The following WDPCP variants were observed in gnomAD, a reference collection of about 807,000 sequenced individuals.
WDPCP encodes the protein WD repeat containing planar cell polarity effector, also known as WD repeat-containing and planar cell polarity effector protein fritz homolog.
WDPCP carries 71 observed loss-of-function variants against 93.1 expected under a neutral mutation model. The ratio of observed to expected loss-of-function variants is 0.76; its 90% CI spans 0.63 to 0.93. The LOEUF (loss-of-function observed/expected upper bound fraction) is 0.93, where lower values mean the gene tolerates loss of function less well. Among genes scored for constraint, WDPCP ranks in the 40% least tolerant of loss-of-function variants. WDPCP has a pLI of 0.00. For synonymous variants in WDPCP, 315 were observed against 315.0 expected (o/e 1.00, Z 0.00); for missense variants, 844 against 887.4 (o/e 0.95, Z 0.62).
intron 1 of WDPCP, among the ~76,000 whole-genome samples, chr2:63,823,346 A>G (rs1671053541): frequency 1.3e-5 from 2 of 152,060 alleles, no homozygotes; most frequent in Admixed American, 1.3e-4. Flanking sequence ...TCTCTACTAA[A>G]AATACAAAAA....
rs533480614 is a variant in WDPCP, at chr2:63,200,357, G to T, written c.1916-25525C>A. Among the ~76,000 whole-genome samples, 35 of 152,236 alleles carry T rather than the reference G, an allele frequency of 2.3e-4. No homozygotes were observed. The South Asian group carries it at 7.1e-3, about 31-fold the overall frequency. ...CTGCTGGGTATCTACTCAAAAGAAG[G>T]TATATTAGCCTATCAAAGAGATATC... On this transcript the variant is annotated intron_variant, in intron 14 of 17. Transcript: ENST00000272321.
chr2:63,198,362 C>A (rs990710687), intron 14 of WDPCP, among the ~76,000 whole-genome samples: 3 of 152,080 alleles, frequency 2.0e-5, no homozygotes, highest in Admixed American at 2.0e-4. Flanking sequence ...TTTTACTATT[C>A]TTTTGCAGGA....
intron 3 of WDPCP, among the ~76,000 whole-genome samples, chr2:63,634,925 G>C (rs1397197670): frequency 6.6e-6 from 1 of 151,990 alleles, no homozygotes; most frequent in African/African-American, 2.4e-5. Context: ...CAATAGAAAA[G>C]ATCAATGGTA....
At chr2:63,379,629 A>C (rs1273627370) in intron 11 of WDPCP, among the ~76,000 whole-genome samples, 2 of 152,196 alleles carry the variant, frequency 1.3e-5, no homozygotes, top group Non-Finnish European at 2.9e-5. Context: ...CCTACATGGA[A>C]TACTCATAAC....
chr2:63,433,717 A>G, intron 9 of WDPCP, 28 bp downstream of exon 9: 1 of 1,563,212 alleles, frequency 6.4e-7, no homozygotes, highest in Non-Finnish European at 8.8e-7. Context: ...ACACTTTATT[A>G]AAATGTACAT....
intron 14 of WDPCP, among the ~76,000 whole-genome samples, chr2:63,246,712 G>A (rs1017256555): frequency 2.0e-5 from 3 of 152,148 alleles, no homozygotes; most frequent in Admixed American, 2.0e-4. Flanking sequence ...ACAAGGTGGT[G>A]ACTTTGAAGG....
chr2:63,607,482 G>A (rs1321637149), intron 3 of WDPCP, among the ~76,000 whole-genome samples: 1 of 151,858 alleles, frequency 6.6e-6, no homozygotes, highest in African/African-American at 2.4e-5. Context: ...GTTGCAGTGA[G>A]CCAAGATTGC....
At chr2:63,587,697 T>C (rs1708958989) in intron 1 of WDPCP, among the ~76,000 whole-genome samples, 1 of 152,250 alleles carries the variant, frequency 6.6e-6, no homozygotes, top group Non-Finnish European at 1.5e-5. Context: ...AGCATTAATT[T>C]TAAAGAGAAC....
intron 3 of WDPCP, chr2:63,599,396 G>C (rs1426314573): frequency 8.7e-7 from 1 of 1,155,094 alleles, no homozygotes; most frequent in Non-Finnish European, 1.2e-6. Flanking sequence ...TCTTGTTTTT[G>C]TTTAGTAGGA....
At chr2:63,269,799 A>G (rs543929944) in intron 13 of WDPCP, among the ~76,000 whole-genome samples, 1 of 152,264 alleles carries the variant, frequency 6.6e-6, no homozygotes, top group East Asian at 1.9e-4. Context: ...TCCATTGATA[A>G]TTGAAAAATT....
At chr2:63,531,593 A>G (rs1703854909) in intron 1 of WDPCP, among the ~76,000 whole-genome samples, 1 of 152,238 alleles carries the variant, frequency 6.6e-6, no homozygotes, top group Non-Finnish European at 1.5e-5. Flanking sequence ...GTGGACCTCC[A>G]GCAAACTCCA....
intron 9 of WDPCP, among the ~76,000 whole-genome samples, chr2:63,425,473 G>A (rs1235363947): frequency 1.3e-5 from 2 of 152,156 alleles, no homozygotes; most frequent in Non-Finnish European, 1.5e-5. Flanking sequence ...ATAGAACCCA[G>A]TGAATCCAGT....
intron 13 of WDPCP, among the ~76,000 whole-genome samples, chr2:63,292,126 C>G (rs1684482809): frequency 8.8e-6 from 1 of 113,394 alleles, no homozygotes; most frequent in African/African-American, 3.9e-5. Flanking sequence ...GAGCAAGACT[C>G]CGGCTCAAAA....
intron 10 of WDPCP, among the ~76,000 whole-genome samples, chr2:63,385,080 A>T (rs963369095): frequency 6.6e-6 from 1 of 152,090 alleles, no homozygotes; most frequent in African/African-American, 2.4e-5. Context: ...ACCTATAATC[A>T]TTTCAATTGC....
intron 3 of WDPCP, chr2:63,606,790 T>C: frequency 8.1e-7 from 1 of 1,232,604 alleles, no homozygotes; most frequent in Non-Finnish European, 1.1e-6. Flanking sequence ...TAAATATAAG[T>C]TCAAACAAGG....
chr2:63,424,179 G>C (rs528179601), intron 9 of WDPCP, among the ~76,000 whole-genome samples: 3 of 145,988 alleles, frequency 2.1e-5, no homozygotes, highest in Non-Finnish European at 3.0e-5. Context: ...ATTGGCAGGG[G>C]TATCTGCCCA....
At chr2:63,199,663 A>G (rs1416355353) in intron 14 of WDPCP, among the ~76,000 whole-genome samples, 1 of 152,254 alleles carries the variant, frequency 6.6e-6, no homozygotes. Flanking sequence ...ATGTCCAGGC[A>G]GAAGTCTGCT....
At chr2:63,528,996 C>T (rs192106034) in intron 1 of WDPCP, among the ~76,000 whole-genome samples, 1 of 152,268 alleles carries the variant, frequency 6.6e-6, no homozygotes, top group East Asian at 1.9e-4. Flanking sequence ...GGAGTTCACT[C>T]ATGATTTGGC....
intron 6 of WDPCP, among the ~76,000 whole-genome samples, chr2:63,467,923 T>C (rs933080366): frequency 6.6e-6 from 1 of 152,182 alleles, no homozygotes; most frequent in African/African-American, 2.4e-5. Context: ...ATGTAAATCT[T>C]TGTGAGTGTG....
Sources: allele counts gnomAD v4.1 joint callset (sites outside exome capture counted in the v4.1 genomes callset), GRCh38; gene constraint gnomAD v4.1.1; transcripts MANE v1.5; gene names NCBI Gene and HGNC (gene_info 2026-07-23, HGNC 2026-07-21).